The following SYN3 variants were observed in gnomAD, a reference collection of about 807,000 sequenced individuals.
SYN3 encodes synapsin III, also known as synapsin-3.
SYN3 carries 35 observed loss-of-function variants against 65.8 expected under a neutral mutation model. That is an observed-to-expected ratio of 0.53 (90% CI 0.41 to 0.70). The LOEUF (loss-of-function observed/expected upper bound fraction) is 0.70, where lower values mean the gene tolerates loss of function less well. SYN3 is among the 30% of genes least tolerant of loss of function. The pLI is 0.00. For synonymous variants in SYN3, 270 were observed against 292.9 expected (o/e 0.92, Z 0.80); for missense variants, 680 against 749.0 (o/e 0.91, Z 1.08).
chr22:32,516,076 G>A (rs2057768198), intron 13 of SYN3, among the ~76,000 whole-genome samples: 1 of 152,170 alleles, frequency 6.6e-6, no homozygotes. Context: ...GGGATTACAG[G>A]CATGAGCCAT....
intron 6 of SYN3, among the ~76,000 whole-genome samples, chr22:32,732,660 T>C (rs2061285758): frequency 6.6e-6 from 1 of 152,200 alleles, no homozygotes; most frequent in Non-Finnish European, 1.5e-5. Flanking sequence ...ACATATCCTA[T>C]GAGGTAAATA....
chr22:32,681,324 TG>T (rs973229903), intron 6 of SYN3, among the ~76,000 whole-genome samples: 4 of 148,564 alleles, frequency 2.7e-5, no homozygotes, highest in African/African-American at 1.0e-4. Context: ...TAGTGCCAAA[TG>T]GCTTGCCTGG....
intron 6 of SYN3, among the ~76,000 whole-genome samples, chr22:32,654,725 T>C (rs1016262193): frequency 4.6e-5 from 7 of 152,234 alleles, no homozygotes; most frequent in Admixed American, 4.6e-4. Flanking sequence ...GATCTGTCAT[T>C]GTCTCCCATG....
intron 1 of SYN3, among the ~76,000 whole-genome samples, chr22:33,021,708 G>C (rs541483287): frequency 6.6e-6 from 1 of 151,852 alleles, no homozygotes; most frequent in South Asian, 2.1e-4. Context: ...GACTGCCACT[G>C]TCTGGTACTT....
intron 6 of SYN3, among the ~76,000 whole-genome samples, chr22:32,693,155 G>A (rs1034373028): frequency 6.6e-6 from 1 of 152,250 alleles, no homozygotes; most frequent in African/African-American, 2.4e-5. Flanking sequence ...CACAGTAAGA[G>A]ATTAACAGCA....
chr22:32,656,020 G>T (rs1467287903), intron 6 of SYN3, among the ~76,000 whole-genome samples: 4 of 152,174 alleles, frequency 2.6e-5, no homozygotes, highest in Non-Finnish European at 4.4e-5. Flanking sequence ...TAAAACAGGG[G>T]TGCAGGATTA....
intron 6 of SYN3, among the ~76,000 whole-genome samples, chr22:32,706,050 A>C (rs570615723): frequency 2.1e-4 from 32 of 152,210 alleles, no homozygotes; most frequent in African/African-American, 7.0e-4. Context: ...GATGTGCTTT[A>C]TTTCTTTCTC....
intron 6 of SYN3, among the ~76,000 whole-genome samples, chr22:32,791,717 C>T (rs1371399555): frequency 6.6e-6 from 1 of 151,708 alleles, no homozygotes; most frequent in Non-Finnish European, 1.5e-5. Context: ...CTCTGTGTAC[C>T]TTAGTTTTCA....
intron 7 of SYN3, among the ~76,000 whole-genome samples, chr22:32,589,383 G>A (rs2059097588): frequency 1.3e-5 from 2 of 152,198 alleles, no homozygotes; most frequent in Admixed American, 1.3e-4. Flanking sequence ...GGGCTGGTCA[G>A]GCGACTAATG....
At chr22:32,803,748 G>A (rs998531728) in intron 6 of SYN3, among the ~76,000 whole-genome samples, 35 of 152,180 alleles carry the variant, frequency 2.3e-4, no homozygotes, top group Admixed American at 1.9e-3. Context: ...GATCACACAC[G>A]TGCGGCCAGG....
At chr22:32,643,033 A>G (rs1310329178) in intron 6 of SYN3, among the ~76,000 whole-genome samples, 2 of 152,182 alleles carry the variant, frequency 1.3e-5, no homozygotes, top group Non-Finnish European at 2.9e-5. Flanking sequence ...TGAGCTTATA[A>G]AAGTGATAGG....
intron 7 of SYN3, among the ~76,000 whole-genome samples, chr22:32,584,422 T>A (rs191506215): frequency 8.0e-4 from 122 of 152,328 alleles, no homozygotes; most frequent in African/African-American, 2.8e-3. Context: ...CCGGGTGATG[T>A]GTGCCCCACT....
chr22:33,028,643 ATGGTGGTGGTGGTGG>A (rs133971), intron 1 of SYN3, among the ~76,000 whole-genome samples: 2,806 of 93,120 alleles, frequency 0.03, 123 homozygotes, highest in African/African-American at 0.1. Flanking sequence ...AAGAACCATG[ATGGTGGTGGTGGTGG>A]TGGTGGTGGT....
At chr22:32,905,384 A>C (rs962786028) in intron 4 of SYN3, among the ~76,000 whole-genome samples, 2 of 152,190 alleles carry the variant, frequency 1.3e-5, no homozygotes, top group African/African-American at 4.8e-5. Flanking sequence ...GGAACCAATA[A>C]ATGTCCCAGA....
At position 32,801,202 on chromosome 22, in the gene SYN3, T is replaced by C. The variant is rs1312418645; in HGVS notation, c.711+63713A>G. Among the ~76,000 whole-genome samples the C allele has an allele frequency of 6.6e-6, 1 of 152,128 alleles. No individual in the cohort carries two copies. Among genetic ancestry groups the C allele is most frequent in the Non-Finnish European group, 1.5e-5 (1 of 68,026 alleles). ...GAGAGAGAAAGAGAGAGAGTTTGGG[T>C]CTTTCTCCTCTGTGCCTGCTCTCTC... On this transcript the variant is annotated intron_variant, in intron 6 of 13. Transcript: ENST00000358763. The surrounding 1 kb of genome is among the most constrained non-coding windows in gnomAD (Gnocchi z 4.7).
chr22:32,649,367 T>G (rs1007486631), intron 6 of SYN3, among the ~76,000 whole-genome samples: 1 of 152,204 alleles, frequency 6.6e-6, no homozygotes, highest in African/African-American at 2.4e-5. Flanking sequence ...TTATTATGTT[T>G]CAAAATTGTG....
At chr22:32,703,480 T>C (rs540852640) in intron 6 of SYN3, among the ~76,000 whole-genome samples, 3 of 152,066 alleles carry the variant, frequency 2.0e-5, no homozygotes, top group African/African-American at 7.2e-5. Context: ...CTACTAAGAA[T>C]ACAAAAATTA....
intron 4 of SYN3, among the ~76,000 whole-genome samples, chr22:32,897,824 A>T (rs552605321): frequency 2.6e-4 from 40 of 152,078 alleles, no homozygotes; most frequent in Admixed American, 6.6e-4. Context: ...TTTTATATAT[A>T]TTTTTTTATT....
intron 6 of SYN3, among the ~76,000 whole-genome samples, chr22:32,710,822 C>G (rs752786106): frequency 6.6e-6 from 1 of 151,918 alleles, no homozygotes; most frequent in Non-Finnish European, 1.5e-5. Flanking sequence ...CCTGCAGAAC[C>G]ATGAGCCAAT....
Sources: allele counts gnomAD v4.1 joint callset (sites outside exome capture counted in the v4.1 genomes callset), GRCh38; gene constraint gnomAD v4.1.1; non-coding constraint Gnocchi (gnomAD v3.1); transcripts MANE v1.5; gene names NCBI Gene and HGNC (gene_info 2026-07-23, HGNC 2026-07-21).